The following PLS3 variants were observed in gnomAD, a reference collection of about 807,000 sequenced individuals.
PLS3 encodes plastin-3.
A neutral mutation model predicts 46.5 loss-of-function variants in PLS3; 11 were observed. That is an observed-to-expected ratio of 0.24 (90% CI 0.15 to 0.39). The LOEUF (loss-of-function observed/expected upper bound fraction) is 0.39. Among genes scored for constraint, PLS3 ranks in the 10% least tolerant of loss-of-function variants. The pLI is 1.00. For missense variants in PLS3, 308 were observed against 461.8 expected (o/e 0.67, Z 3.05); for synonymous variants, 167 against 162.2 (o/e 1.03, Z -0.22).
chrX:115,568,879 C>CA (rs1460623351), intron 1 of PLS3, among the ~76,000 whole-genome samples: 1 of 110,860 alleles, frequency 9.0e-6, no homozygotes, highest in Admixed American at 9.6e-5. Context: ...ACTAAAAATA[C>CA]AAAAAAACTA....
chrX:115,630,540 C>A (rs1193086904), intron 5 of PLS3, among the ~76,000 whole-genome samples: 1 of 108,290 alleles, frequency 9.2e-6, no homozygotes, highest in East Asian at 2.9e-4. Context: ...AATACTCAAC[C>A]CCTTTGCATT....
chrX:115,592,055 C>T (rs1433461871), intron 1 of PLS3, among the ~76,000 whole-genome samples: 3 of 112,044 alleles, frequency 2.7e-5, no homozygotes, highest in Non-Finnish European at 5.6e-5. Flanking sequence ...AACACTGCCT[C>T]ATAATGGGGA....
chrX:115,638,445 G>C (rs1556640562), intron 8 of PLS3, among the ~76,000 whole-genome samples: 1 of 109,934 alleles, frequency 9.1e-6, no homozygotes, highest in Non-Finnish European at 1.9e-5. Context: ...GGGTCTCACT[G>C]TGTTGCCCAG....
intron 2 of PLS3, among the ~76,000 whole-genome samples, chrX:115,621,024 A>T (rs1556637478): frequency 9.7e-6 from 1 of 102,615 alleles, no homozygotes. Flanking sequence ...TATTTTATAT[A>T]TTTTTTTGAG....
At chrX:115,604,417 T>C (rs1556635008) in intron 1 of PLS3, among the ~76,000 whole-genome samples, 1 of 112,174 alleles carries the variant, frequency 8.9e-6, no homozygotes, top group African/African-American at 3.2e-5. Flanking sequence ...ATACCATCTG[T>C]AATCTTCATT....
intron 2 of PLS3, among the ~76,000 whole-genome samples, chrX:115,616,417 A>T (rs2074599193): frequency 8.9e-6 from 1 of 112,270 alleles, no homozygotes; most frequent in Admixed American, 9.5e-5. Flanking sequence ...TGACTCAAAG[A>T]CTATCATTTA....
At chrX:115,600,235 C>T (rs1410967013) in intron 1 of PLS3, among the ~76,000 whole-genome samples, 1 of 110,675 alleles carries the variant, frequency 9.0e-6, no homozygotes, top group African/African-American at 3.3e-5. Flanking sequence ...GATCCTTCTG[C>T]CCCAGCCTTC....
chrX:115,634,785 T>C (rs1556639916), intron 6 of PLS3, 96 bp from the exon 7 acceptor site: 22 of 797,391 alleles, frequency 2.8e-5, no homozygotes, highest in Admixed American at 9.3e-5. Context: ...AGGGTATTAA[T>C]TTCCTCATTG....
At chrX:115,634,571 C>T (rs1452854996) in intron 6 of PLS3, among the ~76,000 whole-genome samples, 2 of 111,819 alleles carry the variant, frequency 1.8e-5, no homozygotes, top group Non-Finnish European at 3.8e-5. Context: ...ACTTTACTCA[C>T]ATGGATATAT....
intron 10 of PLS3, among the ~76,000 whole-genome samples, chrX:115,644,597 C>G (rs1472837751): frequency 1.6e-5 from 1 of 63,207 alleles, no homozygotes; most frequent in Non-Finnish European, 3.4e-5. Context: ...ACCTCCATCT[C>G]AAAAATAAAT....
In PLS3 at chrX:115,650,598, A is replaced by G. The variant is rs782382388; in HGVS notation, c.*1037A>G. On this transcript the variant is annotated 3_prime_UTR_variant, in exon 16 of 16. Coordinates refer to ENST00000355899, the MANE Select transcript of PLS3 (RefSeq NM_005032.7). ...TGTTTGCTATAGTTTCCAAGGTATTATGTTACTCTAACTCTGAAAAGTGAT... is the reference window on the plus strand; with the variant it reads ...TGTTTGCTATAGTTTCCAAGGTATTGTGTTACTCTAACTCTGAAAAGTGAT... 8.9e-6 allele frequency: 1 copy of G among 112,571 alleles called. No individual in the cohort carries two copies. The highest frequency in any genetic ancestry group is 3.2e-5 in the African/African-American group (1 of 31,006). 9.3% of individuals were successfully genotyped at this position (112,571 alleles called of 1,213,427 possible). A position where few individuals can be genotyped will look rare whatever the true frequency, so the allele number is the denominator to read the frequency against.
chrX:115,599,723 C>T (rs781864603), intron 1 of PLS3, among the ~76,000 whole-genome samples: 1 of 106,940 alleles, frequency 9.4e-6, no homozygotes, highest in African/African-American at 3.4e-5. Context: ...GCCTCCGCCT[C>T]CTGGGTTCAA....
intron 7 of PLS3, among the ~76,000 whole-genome samples, chrX:115,636,540 C>T (rs1233738268): frequency 1.8e-5 from 2 of 111,686 alleles, no homozygotes; most frequent in African/African-American, 6.5e-5. Context: ...TAAATAAGAA[C>T]AACTTATACA....
intron 1 of PLS3, among the ~76,000 whole-genome samples, chrX:115,577,722 C>T (rs886116608): frequency 5.4e-5 from 6 of 111,249 alleles, no homozygotes; most frequent in Non-Finnish European, 9.4e-5. Context: ...AACTGATCCT[C>T]CCGCCTCGGC....
In PLS3 at chrX:115,650,438, C is replaced by A. The variant is rs967472872; in HGVS notation, c.*877C>A. 1.3e-4 allele frequency: 15 copies of A among 111,910 alleles called. No individual in the cohort carries two copies. Among genetic ancestry groups the A allele is most frequent in the Admixed American group, 8.6e-4 (9 of 10,426 alleles). The allele number at this position is 111,910 out of a possible 1,213,427, so 9.2% of individuals were successfully genotyped here. A position where few individuals can be genotyped will look rare whatever the true frequency, so the allele number is the denominator to read the frequency against. ...TTTTGAGGAGAGAGTGTGCTCAGAA[C>A]TTAGACGGGATTTGGTAGGCCAAGT... On this transcript the variant is annotated 3_prime_UTR_variant, in exon 16 of 16. Coordinates refer to ENST00000355899, the MANE Select transcript of PLS3 (RefSeq NM_005032.7).
chrX:115,600,451 T>C (rs1196898765), intron 1 of PLS3, among the ~76,000 whole-genome samples: 1 of 111,855 alleles, frequency 8.9e-6, no homozygotes, highest in East Asian at 2.8e-4. Context: ...TTGTAAACCA[T>C]GCCTGTGTAA....
At chrX:115,646,265 A>T (rs2074950533) in intron 12 of PLS3, 79 bp downstream of exon 12, 1 of 879,329 alleles carries the variant, frequency 1.1e-6, no homozygotes, top group Non-Finnish European at 1.6e-6. Flanking sequence ...AAAACTCTTG[A>T]CGCTGAGCTT....
chrX:115,648,289 A>T (rs183545247), intron 15 of PLS3, among the ~76,000 whole-genome samples: 2 of 112,017 alleles, frequency 1.8e-5, no homozygotes, highest in African/African-American at 6.5e-5. Context: ...ATAATGTAGC[A>T]TGTATTTTAA....
intron 6 of PLS3, among the ~76,000 whole-genome samples, chrX:115,634,598 C>T (rs2074811207): frequency 9.0e-6 from 1 of 111,589 alleles, no homozygotes; most frequent in Non-Finnish European, 1.9e-5. Context: ...TGGTACTCAG[C>T]CTTTTCATTT....
Sources: allele counts gnomAD v4.1 joint callset (sites outside exome capture counted in the v4.1 genomes callset), GRCh38; gene constraint gnomAD v4.1.1; transcripts MANE v1.5; gene names NCBI Gene and HGNC (gene_info 2026-07-23, HGNC 2026-07-21).